Variants in PPP2R2C observed in about 807,000 individuals in gnomAD.
The protein encoded by PPP2R2C is protein phosphatase 2, regulatory subunit B, gamma.
PPP2R2C carries 10 observed loss-of-function variants against 45.3 expected under a neutral mutation model. The observed-to-expected ratio is 0.22, with a 90% confidence interval of 0.14 to 0.37. The LOEUF (loss-of-function observed/expected upper bound fraction) is 0.37, where lower values mean the gene tolerates loss of function less well. Among genes scored for constraint, PPP2R2C ranks in the 10% least tolerant of loss-of-function variants. The probability of loss-of-function intolerance (pLI) is 1.00; values close to 1 mark genes in which losing one functional copy is unlikely to be tolerated. For synonymous variants in PPP2R2C, 257 were observed against 245.4 expected, an observed-to-expected ratio of 1.05 and a Z score of -0.44; for missense variants, 308 against 619.7, an observed-to-expected ratio of 0.50 and a Z score of 5.34.
intron 1 of PPP2R2C, among the ~76,000 whole-genome samples, chr4:6,555,175 C>T (rs1027869070): frequency 6.6e-6 from 1 of 152,076 alleles, no homozygotes; most frequent in Non-Finnish European, 1.5e-5. Context: ...GGGCTCCACC[C>T]TCTTGACCTC....
At position 6,330,169 on chromosome 4, in the gene PPP2R2C, A is replaced by G. The variant is rs1454044439; in HGVS notation, c.961-816T>C. Among the ~76,000 whole-genome samples the G allele has an allele frequency of 6.6e-6, 1 of 152,142 alleles. No individual in the cohort carries two copies. The highest frequency in any genetic ancestry group is 6.5e-5 in the Admixed American group (1 of 15,282). ...CCACCTGACTGCAGCCGGTCCTACA[A>G]GCCCTGTACCCGGAGGGCCGCATGA... On this transcript the variant is annotated intron_variant, in intron 7 of 8. Transcript: ENST00000382599. The surrounding 1 kb of genome is among the most constrained non-coding windows in gnomAD (Gnocchi z 7.0).
intron 1 of PPP2R2C, among the ~76,000 whole-genome samples, chr4:6,402,726 G>A (rs947456325): frequency 1.9e-4 from 29 of 152,368 alleles, no homozygotes; most frequent in African/African-American, 6.5e-4. Flanking sequence ...CCAGCCTGGG[G>A]ATCAGGGATG....
intron 1 of PPP2R2C, among the ~76,000 whole-genome samples, chr4:6,393,792 G>A (rs1716823819): frequency 6.6e-6 from 1 of 152,220 alleles, no homozygotes; most frequent in Non-Finnish European, 1.5e-5. Context: ...AGGTGGACGG[G>A]GTAGTTGTGG....
chr4:6,326,690 TA>T (rs1731970656), intron 8 of PPP2R2C, among the ~76,000 whole-genome samples: 2 of 152,124 alleles, frequency 1.3e-5, no homozygotes, highest in Non-Finnish European at 2.9e-5. Context: ...CGAGCTGACT[TA>T]GGGGCTTCCT....
At chr4:6,355,993 GAAA>G (rs61011461) in intron 5 of PPP2R2C, among the ~76,000 whole-genome samples, 3,534 of 97,830 alleles carry the variant, frequency 0.036, 163 homozygotes, top group African/African-American at 0.1. Context: ...ACTCTGCCTG[GAAA>G]AAAAAAAAAA....
At chr4:6,510,643 C>G (rs1018349189) in intron 2 of PPP2R2C, among the ~76,000 whole-genome samples, 1 of 152,092 alleles carries the variant, frequency 6.6e-6, no homozygotes, top group Non-Finnish European at 1.5e-5. Flanking sequence ...CAACGCCCAG[C>G]CCCTGGAAAT....
chr4:6,354,151 C>T (rs1368128869), intron 5 of PPP2R2C, among the ~76,000 whole-genome samples: 3 of 151,032 alleles, frequency 2.0e-5, no homozygotes, highest in South Asian at 2.1e-4. Flanking sequence ...CATGGGGGTC[C>T]GTGCCCAAGC....
chr4:6,521,658 C>T (rs59975855), intron 2 of PPP2R2C, among the ~76,000 whole-genome samples: 1,527 of 152,240 alleles, frequency 0.01, 22 homozygotes, highest in African/African-American at 0.035. Flanking sequence ...TGAGTTCATA[C>T]GTAGGAGGCA....
At chr4:6,482,601 A>G (rs900731270) in intron 2 of PPP2R2C, among the ~76,000 whole-genome samples, 4 of 152,228 alleles carry the variant, frequency 2.6e-5, no homozygotes, top group Non-Finnish European at 4.4e-5. Flanking sequence ...GTGTCCAGCA[A>G]TTTTGTTGAA....
chr4:6,458,612 A>C (rs1457337007), intron 1 of PPP2R2C, among the ~76,000 whole-genome samples: 1 of 152,204 alleles, frequency 6.6e-6, no homozygotes, highest in Non-Finnish European at 1.5e-5. Flanking sequence ...CATAGCAGGA[A>C]GGCAAGGAGG....
chr4:6,451,380 A>G (rs952567622), intron 1 of PPP2R2C, among the ~76,000 whole-genome samples: 14 of 152,138 alleles, frequency 9.2e-5, no homozygotes, highest in Non-Finnish European at 2.1e-4. Context: ...TTTCCTAAAC[A>G]TCCCATGAGC....
At chr4:6,480,383 T>C (rs1208821180) in intron 2 of PPP2R2C, among the ~76,000 whole-genome samples, 1 of 152,194 alleles carries the variant, frequency 6.6e-6, no homozygotes, top group Non-Finnish European at 1.5e-5. Flanking sequence ...CATGCATATC[T>C]TTTCCCAACT....
In PPP2R2C at chr4:6,547,773, C is replaced by T. The variant is rs758514497; in HGVS notation, c.-58-12396G>A. On this transcript the variant is annotated intron_variant, in intron 1 of 9. Transcript: ENST00000506140. The stretch of plus-strand genomic sequence containing the variant: ...CGGACATCCATATGCAAAAACGCAA[C>T]GGGACACAGGCCTCTCATCTCAGAG... Among the ~76,000 whole-genome samples the T allele has an allele frequency of 4.6e-5, 7 of 152,108 alleles. No individual in the cohort carries two copies. In the South Asian group the frequency reaches 6.2e-4, roughly 13 times the overall value.
rs141686755 is a variant in PPP2R2C, at chr4:6,479,535, C to T, written c.49+55736G>A. Reference sequence around the variant, plus strand: ...GTGTGGAAGGGCCCAGAGCCATAATCCAGCCCAACACCCTCAAGGTTAGTG... The same window carrying T: ...GTGTGGAAGGGCCCAGAGCCATAATTCAGCCCAACACCCTCAAGGTTAGTG... On this transcript the variant is annotated intron_variant, in intron 2 of 9. Coordinates refer to the PPP2R2C transcript ENST00000506140. Among the ~76,000 whole-genome samples the T allele has an allele frequency of 7.9e-3, 1,202 of 151,940 alleles. 15 individuals carry two copies. The highest frequency in any genetic ancestry group is 0.028 in the African/African-American group (1,141 of 41,458).
chr4:6,519,350 G>A (rs1723941326), intron 2 of PPP2R2C, among the ~76,000 whole-genome samples: 1 of 152,224 alleles, frequency 6.6e-6, no homozygotes, highest in Non-Finnish European at 1.5e-5. Context: ...AATAGTCCCT[G>A]TGGTATGAGG....
At chr4:6,527,273 AC>A (rs1490723715) in intron 2 of PPP2R2C, among the ~76,000 whole-genome samples, 18 of 152,178 alleles carry the variant, frequency 1.2e-4, no homozygotes, top group South Asian at 4.2e-4. Flanking sequence ...GCCTCGGTTT[AC>A]CCCGCTAGAA....
chr4:6,429,263 T>G lies in PPP2R2C; in HGVS notation c.70+42897A>C, dbSNP rs963626214. On this transcript the variant is annotated intron_variant, in intron 1 of 8. Transcript: ENST00000382599. ...TGACCGTGACGCTGCCATTTCTAAC[T>G]TCAACACCGCACTTTTGATTTCATT... Among the ~76,000 whole-genome samples, 8 of 152,368 alleles carry G rather than the reference T, an allele frequency of 5.3e-5. No homozygotes were observed. The East Asian group carries it at 1.3e-3, about 26-fold the overall frequency.
chr4:6,455,988 TG>T (rs148183614), intron 1 of PPP2R2C, among the ~76,000 whole-genome samples: 3,462 of 145,896 alleles, frequency 0.024, 138 homozygotes, highest in African/African-American at 0.082. Flanking sequence ...CCAGAAATCC[TG>T]GGGGGGGGGA....
intron 2 of PPP2R2C, among the ~76,000 whole-genome samples, chr4:6,493,515 T>C (rs1219419809): frequency 1.3e-5 from 2 of 151,380 alleles, no homozygotes; most frequent in Non-Finnish European, 2.9e-5. Flanking sequence ...GCACAATGCA[T>C]CCTGCCCATC....
Sources: allele counts gnomAD v4.1 joint callset (sites outside exome capture counted in the v4.1 genomes callset), GRCh38; gene constraint gnomAD v4.1.1; non-coding constraint Gnocchi (gnomAD v3.1); transcripts MANE v1.5; gene names NCBI Gene and HGNC (gene_info 2026-07-23, HGNC 2026-07-21).